The following CDC42BPA variants were observed in gnomAD, a reference collection of about 807,000 sequenced individuals.
The protein encoded by CDC42BPA is CDC42 binding protein kinase alpha, also known as serine/threonine-protein kinase MRCK alpha.
CDC42BPA carries 80 observed loss-of-function variants against 223.5 expected under a neutral mutation model. The observed-to-expected ratio is 0.36, with a 90% confidence interval of 0.30 to 0.43. The LOEUF is 0.43. Ranked by LOEUF, CDC42BPA falls within the 20% of genes least tolerant of loss-of-function variation. CDC42BPA has a pLI of 1.00. For missense variants in CDC42BPA, 1,743 were observed against 2,099.9 expected (o/e 0.83, Z 3.32); for synonymous variants, 694 against 718.6 (o/e 0.97, Z 0.55).
chr1:227,075,409 T>TATAAATATATATATATATA (rs1679256291), intron 17 of CDC42BPA, among the ~76,000 whole-genome samples: 1 of 152,174 alleles, frequency 6.6e-6, no homozygotes. Context: ...TATATATATC[T>TATAAATATATATATATATA]TAAAGAGGCC....
chr1:227,195,467 C>G (rs1018614699), intron 4 of CDC42BPA, among the ~76,000 whole-genome samples: 1 of 148,908 alleles, frequency 6.7e-6, no homozygotes. Flanking sequence ...TGAGCCACCA[C>G]GTCGGGGTAC....
chr1:227,221,314 T>C (rs1476795715), intron 2 of CDC42BPA, among the ~76,000 whole-genome samples: 2 of 152,176 alleles, frequency 1.3e-5, no homozygotes, highest in African/African-American at 4.8e-5. Flanking sequence ...TTAATACCAA[T>C]ATGCTGGCAA....
rs778746568 is a variant in CDC42BPA at position 226,994,064 on chromosome 1, G to A, written c.*204C>T. 4.0e-5 allele frequency: 21 copies of A among 525,852 alleles called. No homozygotes were observed. Among genetic ancestry groups the A allele is most frequent in the South Asian group, 7.2e-5 (3 of 41,674 alleles). The allele number at this position is 525,852 out of a possible 1,614,324, so 32.6% of individuals were successfully genotyped here. On this transcript the variant is annotated 3_prime_UTR_variant, in exon 37 of 37. Transcript: ENST00000366766. The surrounding 1 kb of genome is among the most constrained non-coding windows in gnomAD (Gnocchi z 4.0). The stretch of plus-strand genomic sequence containing the variant: ...AATCAACGTTAATCTAAGCTGCTAC[G>A]GAAAGTCTGTCTTTGTTGTTGCTGT...
At chr1:227,066,438 G>GA (rs1677100041) in intron 21 of CDC42BPA, among the ~76,000 whole-genome samples, 1 of 151,960 alleles carries the variant, frequency 6.6e-6, no homozygotes, top group Admixed American at 6.6e-5. Flanking sequence ...GTTCCTAGCA[G>GA]AAAAAGAGCT....
intron 3 of CDC42BPA, among the ~76,000 whole-genome samples, 169 bp downstream of exon 3, chr1:227,212,967 C>T (rs1674192847): frequency 6.6e-6 from 1 of 152,006 alleles, no homozygotes; most frequent in Non-Finnish European, 1.5e-5. Flanking sequence ...TGGATTGTAA[C>T]CTTTATCATA....
At chr1:227,158,896 T>G (rs1663322562) in intron 6 of CDC42BPA, among the ~76,000 whole-genome samples, 2 of 152,182 alleles carry the variant, frequency 1.3e-5, no homozygotes, top group African/African-American at 4.8e-5. Flanking sequence ...CCCTGCATAT[T>G]CCAGCTGCTG....
At chr1:227,014,096 A>G (rs889684780) in intron 34 of CDC42BPA, among the ~76,000 whole-genome samples, 2 of 152,150 alleles carry the variant, frequency 1.3e-5, no homozygotes, top group Non-Finnish European at 2.9e-5. Context: ...GTTAAAGGAA[A>G]ACCAGACTCA....
At position 227,227,683 on chromosome 1, in the gene CDC42BPA, G is replaced by C. The variant is rs1051538866; in HGVS notation, c.271-14464C>G. Among the ~76,000 whole-genome samples, 43 of 152,118 alleles carry C rather than the reference G, an allele frequency of 2.8e-4. 1 individual carries two copies. Among genetic ancestry groups the C allele is most frequent in the Admixed American group, 2.4e-3 (37 of 15,274 alleles). On this transcript the variant is annotated intron_variant, in intron 2 of 36. Coordinates refer to ENST00000366766, the MANE Select transcript of CDC42BPA (RefSeq NM_001394014.1). ...CTTTCTGCCAAACTTTGGAGACTTTGAATTTTCCCTCTGGTGACCATAAAA... is the reference window on the plus strand; with the variant it reads ...CTTTCTGCCAAACTTTGGAGACTTTCAATTTTCCCTCTGGTGACCATAAAA...
At chr1:227,300,592 T>A (rs1199044245) in intron 1 of CDC42BPA, among the ~76,000 whole-genome samples, 1 of 152,174 alleles carries the variant, frequency 6.6e-6, no homozygotes, top group East Asian at 1.9e-4. Context: ...AAATACCGTA[T>A]GTTCTCACTT....
chr1:227,122,886 C>T (rs890713806), intron 11 of CDC42BPA, among the ~76,000 whole-genome samples: 1 of 152,204 alleles, frequency 6.6e-6, no homozygotes, highest in Non-Finnish European at 1.5e-5. Flanking sequence ...ACTTTCACTA[C>T]AACAAATAGC....
intron 1 of CDC42BPA, among the ~76,000 whole-genome samples, chr1:227,278,972 C>A (rs1180480649): frequency 6.6e-6 from 1 of 150,702 alleles, no homozygotes; most frequent in Admixed American, 6.6e-5. Flanking sequence ...AATAACATCA[C>A]CATTCAGACT....
At chr1:227,154,397 C>T (rs971682469) in intron 6 of CDC42BPA, among the ~76,000 whole-genome samples, 33 of 151,812 alleles carry the variant, frequency 2.2e-4, no homozygotes, top group African/African-American at 6.5e-4. Flanking sequence ...AAAAAAATAG[C>T]ACATATAAAG....
intron 21 of CDC42BPA, among the ~76,000 whole-genome samples, chr1:227,060,559 G>A (rs185698237): frequency 2.5e-4 from 38 of 152,178 alleles, no homozygotes; most frequent in African/African-American, 8.7e-4. Context: ...AGGAGGGACA[G>A]AGAAGATTTT....
Position 227,033,426 on chromosome 1 carries a change from A to C in CDC42BPA, c.3477-11T>G. 1 of 1,598,024 alleles carries C rather than the reference A, an allele frequency of 6.3e-7. No homozygotes were observed. The highest frequency in any genetic ancestry group is 1.7e-5 in the Admixed American group (1 of 60,000). The stretch of plus-strand genomic sequence containing the variant: ...GAAAATTCTTCATCCCTGAACGAAA[A>C]GCAAAGCATTAAAAGTTACTATATG... On this transcript the variant is annotated splice_polypyrimidine_tract_variant and intron_variant, in intron 26 of 36. Coordinates refer to ENST00000366766, the MANE Select transcript of CDC42BPA (RefSeq NM_001394014.1).
At chr1:227,097,480 G>A (rs1051248804) in intron 15 of CDC42BPA, among the ~76,000 whole-genome samples, 2 of 152,174 alleles carry the variant, frequency 1.3e-5, no homozygotes, top group Non-Finnish European at 2.9e-5. Context: ...AGCAGGACAG[G>A]AGGACACCCC....
intron 23 of CDC42BPA, among the ~76,000 whole-genome samples, chr1:227,040,600 G>A (rs1671174618): frequency 6.6e-6 from 1 of 152,066 alleles, no homozygotes; most frequent in Admixed American, 6.6e-5. Flanking sequence ...TATTTATACT[G>A]ATACAAATAT....
chr1:227,294,882 A>AAAAAAAGAG (rs1246474711), intron 1 of CDC42BPA, among the ~76,000 whole-genome samples: 3 of 149,338 alleles, frequency 2.0e-5, no homozygotes, highest in African/African-American at 7.3e-5. Flanking sequence ...AAAAAAAAAA[A>AAAAAAAGAG]AAAAGAGGTT....
intron 1 of CDC42BPA, among the ~76,000 whole-genome samples, chr1:227,292,002 A>G (rs1558970267): frequency 6.6e-6 from 1 of 150,904 alleles, no homozygotes; most frequent in Non-Finnish European, 1.5e-5. Context: ...TTTTTTTTTC[A>G]GACGGAGTCT....
Position 226,991,953 on chromosome 1 carries a change from G to A in CDC42BPA, c.*2315C>T, listed in dbSNP as rs1214727912. Reference sequence around the variant, plus strand: ...GAGAAGGCAAGGGGAAAGGGAAGAGGAGGATGGGGAGGGTGGGGATGGGGA... The same window carrying A: ...GAGAAGGCAAGGGGAAAGGGAAGAGAAGGATGGGGAGGGTGGGGATGGGGA... On this transcript the variant is annotated 3_prime_UTR_variant, in exon 37 of 37. Transcript: ENST00000366766. The A allele has an allele frequency of 7.1e-6, 1 of 141,776 alleles. No homozygotes were observed. Among genetic ancestry groups the A allele is most frequent in the Admixed American group, 7.2e-5 (1 of 13,950 alleles). The allele number at this position is 141,776 out of a possible 1,614,324, so 8.8% of individuals were successfully genotyped here.
Sources: allele counts gnomAD v4.1 joint callset (sites outside exome capture counted in the v4.1 genomes callset), GRCh38; gene constraint gnomAD v4.1.1; non-coding constraint Gnocchi (gnomAD v3.1); transcripts MANE v1.5; gene names NCBI Gene and HGNC (gene_info 2026-07-23, HGNC 2026-07-21).